The following BEGAIN variants were observed in gnomAD, a reference collection of about 807,000 sequenced individuals.
The protein encoded by BEGAIN is brain-enriched guanylate kinase-associated protein.
A neutral mutation model predicts 35.8 loss-of-function variants in BEGAIN; 19 were observed. That is an observed-to-expected ratio of 0.53 (90% confidence interval 0.37 to 0.78). The LOEUF is 0.78. Ranked by LOEUF, BEGAIN falls within the 30% of genes least tolerant of loss-of-function variation. The pLI is 0.00. For missense variants in BEGAIN, 795 were observed against 853.6 expected, an observed-to-expected ratio of 0.93 and a Z score of 0.85; for synonymous variants, 462 against 388.6, an observed-to-expected ratio of 1.19 and a Z score of -2.22.
At chr14:100,544,107 G>A in intron 4 of BEGAIN, 142 bp from the exon 5 acceptor site, 1 of 622,050 alleles carries the variant, frequency 1.6e-6, no homozygotes, top group Non-Finnish European at 2.9e-6. Flanking sequence ...GGGTTTATGA[G>A]CACAGACAGA....
rs939854720 is a variant in BEGAIN, at chr14:100,567,179, G to T, written c.71+732C>A. ...GCTCAGGCTCCGGAAGGAAAACACG[G>T]GAGGGGTGTTCCCAAAGTAGGGGTC... On this transcript the variant is annotated intron_variant, in intron 2 of 6. Coordinates refer to ENST00000554140, the MANE Select transcript of BEGAIN (RefSeq NM_001385089.1). This position sits in a 1 kb window ranked among gnomAD's most constrained non-coding sequence, Gnocchi z 5.1. Among the ~76,000 whole-genome samples the T allele has an allele frequency of 3.9e-5, 6 of 152,322 alleles. 1 individual carries two copies. The highest frequency in any genetic ancestry group is 1.4e-4 in the African/African-American group (6 of 41,578).
In BEGAIN at chr14:100,540,588, C is replaced by T; in HGVS notation, c.409-9G>A. The T allele has an allele frequency of 6.3e-7, 1 of 1,591,960 alleles. No homozygotes were observed. Among genetic ancestry groups the T allele is most frequent in the Non-Finnish European group, 8.6e-7 (1 of 1,168,250 alleles). ...TCCTTCCTATAGAGCTCCTAAAAGA[C>T]AAGAGAAGGCGTTTGGCGCCATTCA... is the stretch of plus-strand genomic sequence containing the variant. On this transcript the variant is annotated splice_polypyrimidine_tract_variant and intron_variant, in intron 5 of 6. Coordinates refer to ENST00000554140, the MANE Select transcript of BEGAIN (RefSeq NM_001385089.1).
At position 100,568,885 on chromosome 14, in the gene BEGAIN, A is replaced by T; in HGVS notation, c.43-946T>A. ...GGGGGACAGGGGTCCGAGCTCAGGGACCACGCGACAGACCTGGGAAGACTG... is the reference window on the plus strand; with the variant it reads ...GGGGGACAGGGGTCCGAGCTCAGGGTCCACGCGACAGACCTGGGAAGACTG... On this transcript the variant is annotated intron_variant, in intron 1 of 6. Coordinates refer to ENST00000554140, the MANE Select transcript of BEGAIN (RefSeq NM_001385089.1). This position sits in a 1 kb window ranked among gnomAD's most constrained non-coding sequence, Gnocchi z 7.5. 1.0e-6 allele frequency: 1 copy of T among 984,990 alleles called. No homozygotes were observed. The highest frequency in any genetic ancestry group is 1.2e-6 in the Non-Finnish European group (1 of 830,086). The allele number at this position is 984,990 out of a possible 1,614,324, so 61.0% of individuals were successfully genotyped here. A position where few individuals can be genotyped will look rare whatever the true frequency, so the allele number is the denominator to read the frequency against.
At chr14:100,564,095 C>T (rs1027505963) in intron 2 of BEGAIN, among the ~76,000 whole-genome samples, 5 of 121,556 alleles carry the variant, frequency 4.1e-5, no homozygotes, top group South Asian at 3.0e-4. Context: ...GGAAGGGTCT[C>T]GGGGGATCTT....
At chr14:100,539,437 G>C in intron 6 of BEGAIN, 122 bp from the exon 7 acceptor site, 1 of 1,435,002 alleles carries the variant, frequency 7.0e-7, no homozygotes, top group Admixed American at 2.9e-5. Context: ...AGACGAACGG[G>C]GGCCTCCCGG....
intron 5 of BEGAIN, among the ~76,000 whole-genome samples, chr14:100,542,726 C>T (rs191649289): frequency 6.4e-4 from 98 of 152,342 alleles, no homozygotes; most frequent in South Asian, 5.0e-3. Flanking sequence ...TGCCCAGTTC[C>T]ACCGTCATCT....
chr14:100,557,021 A>G (rs996391985), intron 2 of BEGAIN, among the ~76,000 whole-genome samples: 2 of 152,014 alleles, frequency 1.3e-5, no homozygotes, highest in Non-Finnish European at 2.9e-5. Flanking sequence ...GAGTCAGGGC[A>G]GGCCAAAGCC....
chr14:100,546,850 C>T, intron 2 of BEGAIN, 188 bp from the exon 3 acceptor site: 1 of 498,000 alleles, frequency 2.0e-6, no homozygotes, highest in Non-Finnish European at 3.4e-6. Context: ...CACTGAAGAC[C>T]ATGGCGCCCC....
chr14:100,566,732 T>C (rs1375866140), intron 2 of BEGAIN, among the ~76,000 whole-genome samples: 7 of 152,172 alleles, frequency 4.6e-5, no homozygotes, highest in East Asian at 3.9e-4. Context: ...GGGTCTGAGA[T>C]TGAACCACCT....
intron 2 of BEGAIN, among the ~76,000 whole-genome samples, chr14:100,555,528 C>T (rs1473067331): frequency 3.9e-5 from 6 of 152,202 alleles, no homozygotes; most frequent in Non-Finnish European, 8.8e-5. Context: ...CTCAGACCCC[C>T]GAAAGGGAGG....
At chr14:100,544,259 T>A (rs995569181) in intron 4 of BEGAIN, among the ~76,000 whole-genome samples, 2 of 152,096 alleles carry the variant, frequency 1.3e-5, no homozygotes, top group South Asian at 4.1e-4. Flanking sequence ...GGAGGACAGA[T>A]GACTTGTGCC....
intron 2 of BEGAIN, 115 bp from the exon 3 acceptor site, chr14:100,546,777 C>T: frequency 1.3e-5 from 8 of 635,916 alleles, no homozygotes; most frequent in Non-Finnish European, 1.3e-5. Flanking sequence ...CGCGCGCGCG[C>T]GCGCACACAC....
chr14:100,576,354 C>T (rs1197510749), intron 1 of BEGAIN, among the ~76,000 whole-genome samples: 1 of 152,214 alleles, frequency 6.6e-6, no homozygotes, highest in Non-Finnish European at 1.5e-5. Context: ...CCACCTCCCT[C>T]CTCCTCCATG....
At chr14:100,577,703 CTG>C in intron 1 of BEGAIN, 1 of 399,144 alleles carries the variant, frequency 2.5e-6, no homozygotes, top group Non-Finnish European at 4.4e-6. Context: ...TTCAGGGACT[CTG>C]GGGAGGAAGG....
At chr14:100,551,788 C>T (rs937293213) in intron 2 of BEGAIN, among the ~76,000 whole-genome samples, 3 of 152,064 alleles carry the variant, frequency 2.0e-5, no homozygotes, top group Non-Finnish European at 4.4e-5. Flanking sequence ...GCACTGGCCA[C>T]GAGTCGCACA....
In BEGAIN at chr14:100,575,947, G is replaced by A. The variant is rs537059244; in HGVS notation, c.43-8008C>T. Among the ~76,000 whole-genome samples the A allele has an allele frequency of 2.2e-4, 33 of 152,282 alleles. No homozygotes were observed. The South Asian group carries it at 5.6e-3, about 26-fold the overall frequency. The stretch of plus-strand genomic sequence containing the variant: ...CAGCAGCCCCCAGAGGACGGTCTGC[G>A]TGGTAAGTGGAGCCAAGAGCAGCAG... On this transcript the variant is annotated intron_variant, in intron 1 of 6. Coordinates refer to ENST00000554140, the MANE Select transcript of BEGAIN (RefSeq NM_001385089.1).
intron 1 of BEGAIN, chr14:100,569,168 G>A (rs1038032285): frequency 6.5e-6 from 1 of 153,888 alleles, no homozygotes; most frequent in Non-Finnish European, 1.4e-5. Flanking sequence ...GGGGAAGGGG[G>A]AGGCAGCTGG....
intron 2 of BEGAIN, among the ~76,000 whole-genome samples, chr14:100,565,139 G>A (rs1341059491): frequency 1.3e-5 from 2 of 152,224 alleles, no homozygotes; most frequent in Admixed American, 6.5e-5. Flanking sequence ...AGGGCCAACC[G>A]GGTCTTTTCA....
At chr14:100,562,955 T>C (rs987984993) in intron 2 of BEGAIN, among the ~76,000 whole-genome samples, 1 of 104,892 alleles carries the variant, frequency 9.5e-6, no homozygotes, top group African/African-American at 5.8e-5. Context: ...GAATCCATGA[T>C]CAGTGAACAA....
Sources: gnomAD v4.1 joint callset for allele counts (sites outside exome capture counted in the v4.1 genomes callset) on GRCh38, gnomAD v4.1.1 for gene constraint, Gnocchi (gnomAD v3.1) non-coding constraint, MANE v1.5 for transcripts, NCBI Gene and HGNC (gene_info 2026-07-23, HGNC 2026-07-21) for gene names.